Variants in TRIP4 observed in about 807,000 individuals in gnomAD.
TRIP4 encodes the protein activating signal cointegrator 1.
A neutral mutation model predicts 81.8 loss-of-function variants in TRIP4; 54 were observed. The ratio of observed to expected loss-of-function variants is 0.66; its 90% CI spans 0.53 to 0.83. The LOEUF (loss-of-function observed/expected upper bound fraction) is 0.83. TRIP4 is among the 40% of genes least tolerant of loss of function. The pLI is 0.00. For missense variants in TRIP4, 662 were observed against 683.6 expected (o/e 0.97, Z 0.35); for synonymous variants, 270 against 242.8 (o/e 1.11, Z -1.04).
rs748494261 is a variant in TRIP4 at position 64,395,617 on chromosome 15, G to A, written c.405+86G>A. The A allele has an allele frequency of 1.7e-4, 233 of 1,401,092 alleles. 2 individuals are homozygous for A. Among genetic ancestry groups the A allele is most frequent in the Admixed American group, 4.6e-4 (19 of 41,438 alleles). 86.8% of individuals were successfully genotyped at this position (1,401,092 alleles called of 1,614,324 possible). A position where few individuals can be genotyped will look rare whatever the true frequency, so the allele number is the denominator to read the frequency against. Reference sequence around the variant, plus strand: ...TTTCAGAGAGCAAAGTGTACAAATTGGTCTAGAATGGCAATTTTTCAACAA... The same window carrying A: ...TTTCAGAGAGCAAAGTGTACAAATTAGTCTAGAATGGCAATTTTTCAACAA... On this transcript the variant is annotated intron_variant, in intron 3 of 12. Coordinates refer to ENST00000261884, the MANE Select transcript of TRIP4 (RefSeq NM_016213.5).
At chr15:64,430,703 C>A (rs1437837255) in intron 11 of TRIP4, among the ~76,000 whole-genome samples, 1 of 152,160 alleles carries the variant, frequency 6.6e-6, no homozygotes, top group Non-Finnish European at 1.5e-5. Flanking sequence ...TCTCCAAGGT[C>A]ATTGATTATT....
At chr15:64,394,185 A>ATT in intron 2 of TRIP4, 70 bp downstream of exon 2, 30 of 1,056,776 alleles carry the variant, frequency 2.8e-5, no homozygotes, top group South Asian at 1.2e-4. Context: ...TATTATTATT[A>ATT]TTTTTTTTTT....
intron 10 of TRIP4, among the ~76,000 whole-genome samples, 179 bp from the exon 11 acceptor site, chr15:64,425,361 C>G (rs1892117943): frequency 6.6e-6 from 1 of 152,180 alleles, no homozygotes; most frequent in Non-Finnish European, 1.5e-5. Flanking sequence ...CAGCCACTCA[C>G]TAGATTTTTT....
intron 5 of TRIP4, among the ~76,000 whole-genome samples, chr15:64,402,333 C>T (rs1388169011): frequency 1.3e-5 from 2 of 151,000 alleles, no homozygotes; most frequent in African/African-American, 4.9e-5. Context: ...AGCGATTCTT[C>T]TGCCTCAGCC....
chr15:64,455,121 C>T lies in TRIP4; in HGVS notation c.*57C>T. On this transcript the variant is annotated 3_prime_UTR_variant, in exon 13 of 13. Transcript: ENST00000261884. ...GAGTTTTGTGTACTAAAATTGCTAT[C>T]TACTGGTCCTTTGGAATTGAAGTAG... is the stretch of plus-strand genomic sequence containing the variant. 1.3e-6 allele frequency: 2 copies of T among 1,508,360 alleles called. No individual in the cohort carries two copies. The highest frequency in any genetic ancestry group is 3.5e-5 in the Admixed American group (2 of 56,374). 93.4% of individuals were successfully genotyped at this position (1,508,360 alleles called of 1,614,324 possible).
At position 64,449,729 on chromosome 15, in the gene TRIP4, C is replaced by T. The variant is rs529236979; in HGVS notation, c.1678+4621C>T. 4.6e-5 allele frequency among the ~76,000 whole-genome samples: 7 copies of T among 152,192 alleles called. No homozygotes were observed. In the South Asian group the frequency reaches 1.5e-3, roughly 32 times the overall value. On this transcript the variant is annotated intron_variant, in intron 12 of 12. Transcript: ENST00000261884. Reference sequence around the variant, plus strand: ...AGATAATTCAGAAAAGAGCAATATACAATAGGGTATCACCTGGCTCTGTGT... The same window carrying T: ...AGATAATTCAGAAAAGAGCAATATATAATAGGGTATCACCTGGCTCTGTGT...
At chr15:64,404,878 C>A (rs1007595887) in intron 5 of TRIP4, among the ~76,000 whole-genome samples, 2 of 151,732 alleles carry the variant, frequency 1.3e-5, no homozygotes, top group Non-Finnish European at 2.9e-5. Context: ...TACAGATGGG[C>A]TCTCACCATG....
At chr15:64,401,622 C>T (rs529282336) in intron 5 of TRIP4, among the ~76,000 whole-genome samples, 18 of 152,158 alleles carry the variant, frequency 1.2e-4, no homozygotes, top group Admixed American at 7.9e-4. Context: ...ATTAAGACTA[C>T]ATAACATTGA....
Position 64,424,073 on chromosome 15 carries a change from T to C in TRIP4, c.1401T>C (p.Leu467=). ...RSWYTPHRGR[L]WIAATAKKPS... Reference sequence around the variant, plus strand: ...GGTACACCCCCCACAGAGGACGACTTTGGATAGCAGCCACAGCTAAAAAAC... The same window carrying C: ...GGTACACCCCCCACAGAGGACGACTCTGGATAGCAGCCACAGCTAAAAAAC... The change falls in exon 10 of 13, where the codon CTT becomes CTC. Residue 467 remains leucine (L), a synonymous_variant. Coordinates refer to ENST00000261884, the MANE Select transcript of TRIP4 (RefSeq NM_016213.5). 1.2e-6 allele frequency: 2 copies of C among 1,614,112 alleles called. No homozygotes were observed. The highest frequency in any genetic ancestry group is 1.7e-6 in the Non-Finnish European group (2 of 1,180,030).
At chr15:64,388,933 C>G (rs949933972) in intron 1 of TRIP4, among the ~76,000 whole-genome samples, 1 of 152,106 alleles carries the variant, frequency 6.6e-6, no homozygotes. Flanking sequence ...ACATTTGTTG[C>G]GCTGCTGTTA....
chr15:64,438,833 C>G (rs145488748), intron 11 of TRIP4, among the ~76,000 whole-genome samples: 1 of 152,126 alleles, frequency 6.6e-6, no homozygotes. Context: ...ATGTTACTGT[C>G]GATAAAATGA....
chr15:64,390,787 C>T (rs1176003065), intron 1 of TRIP4, among the ~76,000 whole-genome samples: 3 of 151,486 alleles, frequency 2.0e-5, no homozygotes, highest in Non-Finnish European at 4.4e-5. Flanking sequence ...CCCAGCTACT[C>T]GGGAGGCTGA....
chr15:64,445,167 A>G, intron 12 of TRIP4, 59 bp downstream of exon 12: 3 of 911,432 alleles, frequency 3.3e-6, no homozygotes, highest in Non-Finnish European at 5.2e-6. Flanking sequence ...GAATGGGGAA[A>G]AAAGTAGAAC....
chr15:64,420,056 C>T (rs545443533), intron 9 of TRIP4, among the ~76,000 whole-genome samples: 14 of 151,828 alleles, frequency 9.2e-5, no homozygotes, highest in Non-Finnish European at 1.8e-4. Context: ...CATCGTGATT[C>T]GCCCACCTTG....
intron 11 of TRIP4, among the ~76,000 whole-genome samples, chr15:64,442,177 G>A: frequency 6.9e-6 from 1 of 145,414 alleles, no homozygotes; most frequent in African/African-American, 2.5e-5. Context: ...GTTTTAAGCA[G>A]AAGAATGGCG....
intron 12 of TRIP4, 117 bp from the exon 13 acceptor site, chr15:64,454,880 T>C (rs1892850923): frequency 1.1e-6 from 1 of 882,292 alleles, no homozygotes; most frequent in South Asian, 1.6e-5. Context: ...GTCTGAGTCC[T>C]GAAGTAAGAT....
rs182121907 is a variant in TRIP4 at position 64,395,585 on chromosome 15, T to A, written c.405+54T>A. The A allele has an allele frequency of 1.3e-3, 2,015 of 1,554,162 alleles. 35 individuals are homozygous for A. In the Admixed American group the frequency reaches 0.026, roughly 20 times the overall value. On this transcript the variant is annotated intron_variant, in intron 3 of 12. Coordinates refer to ENST00000261884, the MANE Select transcript of TRIP4 (RefSeq NM_016213.5). ...TGACTATTGGAGAAGAGGAAGTGACTAATACATTTCAGAGAGCAAAGTGTA... is the reference window on the plus strand; with the variant it reads ...TGACTATTGGAGAAGAGGAAGTGACAAATACATTTCAGAGAGCAAAGTGTA...
At chr15:64,408,843 G>T (rs78358598) in intron 6 of TRIP4, among the ~76,000 whole-genome samples, 2,529 of 152,158 alleles carry the variant, frequency 0.017, 62 homozygotes, top group African/African-American at 0.058. Flanking sequence ...TTGGAACTTG[G>T]CCCCAGTGCA....
At chr15:64,438,905 T>C (rs974550638) in intron 11 of TRIP4, among the ~76,000 whole-genome samples, 7 of 152,170 alleles carry the variant, frequency 4.6e-5, no homozygotes, top group Non-Finnish European at 1.0e-4. Context: ...ATCTGTAAGT[T>C]TGTGTGTGTC....
Sources: gnomAD v4.1 joint callset for allele counts (sites outside exome capture counted in the v4.1 genomes callset) on GRCh38, gnomAD v4.1.1 for gene constraint, MANE v1.5 for transcripts, NCBI Gene and HGNC (gene_info 2026-07-23, HGNC 2026-07-21) for gene names.